Variants in KSR1 observed in about 807,000 individuals in gnomAD.
KSR1 encodes kinase suppressor of ras.
In KSR1, 35 loss-of-function variants were observed where a neutral mutation model predicts 92.9. The observed-to-expected ratio is 0.38, with a 90% CI of 0.29 to 0.50. The LOEUF (loss-of-function observed/expected upper bound fraction) is 0.50, where lower values mean the gene tolerates loss of function less well. KSR1 is among the 20% of genes least tolerant of loss of function. KSR1 has a pLI of 0.94. For synonymous variants in KSR1, 467 were observed against 472.6 expected, an observed-to-expected ratio of 0.99 and a Z score of 0.15; for missense variants, 972 against 1,158.5, an observed-to-expected ratio of 0.84 and a Z score of 2.34.
At chr17:27,579,483 A>AT (rs1455845339) in intron 3 of KSR1, 3 of 152,216 alleles carry the variant, frequency 2.0e-5, no homozygotes, top group Non-Finnish European at 4.4e-5. Flanking sequence ...AAGTCCTTAG[A>AT]TCAGAGCCTG....
intron 1 of KSR1, among the ~76,000 whole-genome samples, chr17:27,517,369 A>G (rs773166021): frequency 2.0e-5 from 3 of 151,928 alleles, no homozygotes; most frequent in East Asian, 1.9e-4. Flanking sequence ...CACTCACTCT[A>G]TGGCCCAGGC....
intron 2 of KSR1, among the ~76,000 whole-genome samples, chr17:27,574,352 G>C (rs2072424803): frequency 6.6e-6 from 1 of 152,214 alleles, no homozygotes; most frequent in Non-Finnish European, 1.5e-5. Flanking sequence ...TCTCATCAGT[G>C]GTTCCTGTGA....
At chr17:27,476,972 C>G (rs1291108212) in intron 1 of KSR1, among the ~76,000 whole-genome samples, 1 of 151,974 alleles carries the variant, frequency 6.6e-6, no homozygotes, top group Non-Finnish European at 1.5e-5. Flanking sequence ...ACAGAGCAGC[C>G]CTGAGGGCTG....
At chr17:27,472,663 C>T (rs1233890594) in intron 1 of KSR1, among the ~76,000 whole-genome samples, 1 of 152,168 alleles carries the variant, frequency 6.6e-6, no homozygotes, top group African/African-American at 2.4e-5. Flanking sequence ...ATTAGCCGGG[C>T]ATGGCGGTGG....
Position 27,603,818 on chromosome 17 carries a change from T to C in KSR1, c.1511-16T>C, listed in dbSNP as rs749225652. ...AAGCAATCTCATGCTTTGTGTTTGG[T>C]TTTTGTTTCCTCCAGACATTTCAGC... On this transcript the variant is annotated splice_polypyrimidine_tract_variant and intron_variant, in intron 11 of 20. Coordinates refer to ENST00000644974, the MANE Select transcript of KSR1 (RefSeq NM_001394583.1). 6.2e-6 allele frequency: 10 copies of C among 1,613,588 alleles called. No homozygotes were observed. In the African/African-American group the frequency reaches 1.3e-4, roughly 22 times the overall value.
At chr17:27,611,697 C>G in intron 18 of KSR1, 68 bp downstream of exon 18, 1 of 1,583,852 alleles carries the variant, frequency 6.3e-7, no homozygotes, top group Non-Finnish European at 8.6e-7. Context: ...GCATGGCTGC[C>G]CTTCACTCAC....
chr17:27,599,072 C>T (rs1424517355), intron 10 of KSR1, among the ~76,000 whole-genome samples: 1 of 152,220 alleles, frequency 6.6e-6, no homozygotes, highest in African/African-American at 2.4e-5. Flanking sequence ...TCATAGAGCG[C>T]ACTTACGTAA....
At chr17:27,604,016 A>G in intron 12 of KSR1, 128 bp downstream of exon 12, 1 of 927,286 alleles carries the variant, frequency 1.1e-6, no homozygotes, top group Non-Finnish European at 1.7e-6. Flanking sequence ...CCCTGGGCTC[A>G]TTCACCCTCT....
intron 1 of KSR1, among the ~76,000 whole-genome samples, chr17:27,462,701 A>G: frequency 6.6e-6 from 1 of 152,256 alleles, no homozygotes; most frequent in East Asian, 1.9e-4. Context: ...AATATTTACA[A>G]AATACATAAT....
intron 1 of KSR1, among the ~76,000 whole-genome samples, chr17:27,537,047 G>A (rs1437643667): frequency 1.3e-5 from 2 of 152,188 alleles, no homozygotes; most frequent in Admixed American, 6.5e-5. Flanking sequence ...TGCCAGGAGC[G>A]GGGGCTCCCC....
At chr17:27,609,074 TG>T in intron 15 of KSR1, 121 bp from the exon 16 acceptor site, 2 of 1,157,550 alleles carry the variant, frequency 1.7e-6, no homozygotes, top group Non-Finnish European at 1.2e-6. Flanking sequence ...TTCTGTAAAA[TG>T]GGGACAATAT....
chr17:27,512,460 C>A (rs1019642725), intron 1 of KSR1, among the ~76,000 whole-genome samples: 1 of 152,168 alleles, frequency 6.6e-6, no homozygotes, highest in African/African-American at 2.4e-5. Context: ...CAGTGGCTTA[C>A]GCCTGTAATC....
chr17:27,462,374 C>A (rs1173172111), intron 1 of KSR1, among the ~76,000 whole-genome samples: 1 of 152,000 alleles, frequency 6.6e-6, no homozygotes, highest in East Asian at 1.9e-4. Context: ...AAGGAAATGG[C>A]CAATAATAAA....
At chr17:27,512,350 G>A (rs1225637154) in intron 1 of KSR1, among the ~76,000 whole-genome samples, 2 of 152,226 alleles carry the variant, frequency 1.3e-5, no homozygotes, top group Non-Finnish European at 2.9e-5. Flanking sequence ...ATAAATGTGA[G>A]CATTTCTTCT....
intron 1 of KSR1, among the ~76,000 whole-genome samples, chr17:27,547,492 G>A (rs961965358): frequency 6.6e-6 from 1 of 152,200 alleles, no homozygotes; most frequent in Admixed American, 6.5e-5. Context: ...CACAGTTGTG[G>A]AGCTATCTGA....
At chr17:27,486,174 C>A (rs573912198) in intron 1 of KSR1, among the ~76,000 whole-genome samples, 1 of 152,250 alleles carries the variant, frequency 6.6e-6, no homozygotes, top group Non-Finnish European at 1.5e-5. Context: ...GCTTTCTTAA[C>A]TTCCCCTGGC....
chr17:27,488,362 GT>G (rs951386435), intron 1 of KSR1, among the ~76,000 whole-genome samples: 11 of 146,374 alleles, frequency 7.5e-5, no homozygotes, highest in East Asian at 6.0e-4. Context: ...CACATGTCTT[GT>G]TTTTTTTTTA....
intron 1 of KSR1, among the ~76,000 whole-genome samples, chr17:27,518,338 A>G (rs150847312): frequency 5.9e-5 from 9 of 152,336 alleles, no homozygotes; most frequent in Admixed American, 5.2e-4. Context: ...TACTGGGTGG[A>G]GTAGCTGCAC....
At position 27,583,097 on chromosome 17, in the gene KSR1, C is replaced by T. The variant is rs772381538; in HGVS notation, c.972C>T (p.Ser324=). 5.9e-5 allele frequency: 92 copies of T among 1,552,850 alleles called. No homozygotes were observed. Among genetic ancestry groups the T allele is most frequent in the Admixed American group, 9.2e-5 (5 of 54,060 alleles). ...SQLGNRIDDV[S]SMRFDLSHGS... ...TGGGGAACCGCATTGATGACGTCTC[C>T]TCGATGAGGTGAGTGCTCCTTCTGG... Residue 324 remains serine (S), a synonymous_variant, in exon 4 of 21, where the codon TCC becomes TCT. Coordinates refer to ENST00000644974, the MANE Select transcript of KSR1 (RefSeq NM_001394583.1).
Sources: allele counts gnomAD v4.1 joint callset (sites outside exome capture counted in the v4.1 genomes callset), GRCh38; gene constraint gnomAD v4.1.1; transcripts MANE v1.5; gene names NCBI Gene and HGNC (gene_info 2026-07-23, HGNC 2026-07-21).